Variants in AGBL1 observed in about 807,000 individuals in gnomAD.
The protein encoded by AGBL1 is cytosolic carboxypeptidase 4.
A neutral mutation model predicts 118.9 loss-of-function variants in AGBL1; 130 were observed. The ratio of observed to expected loss-of-function variants is 1.09; its 90% CI spans 0.95 to 1.26. The LOEUF (loss-of-function observed/expected upper bound fraction) is 1.26. AGBL1 is among the 50% of genes most tolerant of loss of function. The pLI is 0.00. For missense variants in AGBL1, 1,584 were observed against 1,298.1 expected (o/e 1.22, Z -3.38); for synonymous variants, 555 against 478.9 (o/e 1.16, Z -2.08).
At chr15:86,629,613 C>A (rs1203437031) in intron 21 of AGBL1, among the ~76,000 whole-genome samples, 1 of 152,174 alleles carries the variant, frequency 6.6e-6, no homozygotes, top group Non-Finnish European at 1.5e-5. Flanking sequence ...AGCTAGATAA[C>A]CATCAGCTTC....
intron 21 of AGBL1, among the ~76,000 whole-genome samples, chr15:86,574,575 T>TA (rs966392466): frequency 1.5e-5 from 2 of 135,190 alleles, no homozygotes; most frequent in Non-Finnish European, 3.1e-5. Flanking sequence ...TTTTAATTTT[T>TA]TTTTTTTTTT....
At chr15:86,157,216 C>A (rs905301076) in intron 4 of AGBL1, among the ~76,000 whole-genome samples, 1 of 152,122 alleles carries the variant, frequency 6.6e-6, no homozygotes, top group African/African-American at 2.4e-5. Flanking sequence ...CCTCTACTCA[C>A]CTATCTCCCG....
chr15:86,777,303 A>C (rs182462457), intron 22 of AGBL1, among the ~76,000 whole-genome samples: 252 of 152,156 alleles, frequency 1.7e-3, no homozygotes, highest in Non-Finnish European at 2.8e-3. Context: ...ATAATTACTT[A>C]CTGGTGAAAT....
intron 22 of AGBL1, among the ~76,000 whole-genome samples, chr15:86,872,214 C>T (rs1389406754): frequency 6.6e-6 from 1 of 152,162 alleles, no homozygotes; most frequent in African/African-American, 2.4e-5. Context: ...ACAAGCAGTG[C>T]CTGTGAATTC....
intron 22 of AGBL1, among the ~76,000 whole-genome samples, chr15:86,763,454 G>GA (rs1018958694): frequency 2.0e-5 from 3 of 151,800 alleles, no homozygotes; most frequent in Admixed American, 6.6e-5. Context: ...TCACTTTAGT[G>GA]AAAAAAACAC....
intron 21 of AGBL1, among the ~76,000 whole-genome samples, chr15:86,565,399 C>G (rs920601172): frequency 6.6e-5 from 10 of 152,236 alleles, no homozygotes; most frequent in African/African-American, 2.2e-4. Context: ...ACGTCCACTC[C>G]AGACCCTGTT....
intron 21 of AGBL1, among the ~76,000 whole-genome samples, chr15:86,664,449 A>G (rs1324398312): frequency 6.6e-6 from 1 of 152,290 alleles, no homozygotes; most frequent in East Asian, 1.9e-4. Context: ...ACTTAATTCA[A>G]GTTCAGAGCC....
At chr15:86,469,437 C>T (rs940219583) in intron 18 of AGBL1, among the ~76,000 whole-genome samples, 2 of 152,130 alleles carry the variant, frequency 1.3e-5, no homozygotes, top group African/African-American at 4.8e-5. Flanking sequence ...AGTACTATTT[C>T]ATTGTATGTA....
intron 23 of AGBL1, among the ~76,000 whole-genome samples, chr15:86,931,492 C>T (rs2080603390): frequency 6.6e-6 from 1 of 151,834 alleles, no homozygotes; most frequent in South Asian, 2.1e-4. Flanking sequence ...AGTTTGGTAA[C>T]AATAGGAATC....
chr15:86,856,349 C>T (rs939397098), intron 22 of AGBL1, among the ~76,000 whole-genome samples: 1 of 152,166 alleles, frequency 6.6e-6, no homozygotes, highest in South Asian at 2.1e-4. Flanking sequence ...GAGGTCTTTT[C>T]TTCAATGATC....
chr15:86,905,828 G>A (rs1029741203), intron 22 of AGBL1, among the ~76,000 whole-genome samples: 1 of 152,104 alleles, frequency 6.6e-6, no homozygotes, highest in East Asian at 1.9e-4. Context: ...GGCAGCTCTT[G>A]CCTTCCTTTA....
chr15:86,255,706 C>A (rs1271360151), intron 7 of AGBL1, among the ~76,000 whole-genome samples: 1 of 152,014 alleles, frequency 6.6e-6, no homozygotes, highest in Non-Finnish European at 1.5e-5. Flanking sequence ...TGCTTGAACC[C>A]GGGAGGTGGA....
intron 7 of AGBL1, among the ~76,000 whole-genome samples, chr15:86,255,332 A>C (rs2142009799): frequency 6.6e-6 from 1 of 152,350 alleles, no homozygotes; most frequent in Non-Finnish European, 1.5e-5. Flanking sequence ...ATTAGCCTCC[A>C]TAATGAATTA....
intron 1 of AGBL1, among the ~76,000 whole-genome samples, chr15:86,128,998 T>C (rs1341844867): frequency 2.0e-5 from 3 of 152,152 alleles, no homozygotes; most frequent in Non-Finnish European, 4.4e-5. Context: ...CATGGATAAA[T>C]TGGGGAGAAC....
chr15:86,480,415 T>C (rs1228497867), intron 18 of AGBL1, among the ~76,000 whole-genome samples: 1 of 152,060 alleles, frequency 6.6e-6, no homozygotes, highest in African/African-American at 2.4e-5. Flanking sequence ...TATGTTAGAG[T>C]TCAGGTTTGT....
intron 1 of AGBL1, 165 bp downstream of exon 1, chr15:86,080,188 C>G: frequency 2.4e-6 from 1 of 419,684 alleles, no homozygotes; most frequent in Non-Finnish European, 4.1e-6. Flanking sequence ...CTAAGTGATG[C>G]TATGGAATTC....
At chr15:86,830,018 C>T (rs1005460963) in intron 22 of AGBL1, among the ~76,000 whole-genome samples, 8 of 151,838 alleles carry the variant, frequency 5.3e-5, no homozygotes, top group East Asian at 1.9e-4. Flanking sequence ...GATTTAATAC[C>T]GTAAAACTTA....
rs978308238 is a variant in AGBL1, at chr15:86,678,788, A to G, written c.3158+4352A>G. On this transcript the variant is annotated intron_variant, in intron 22 of 22. Coordinates refer to ENST00000614907, the MANE Select transcript of AGBL1 (RefSeq NM_001386094.1). ...GTAGGCAGGTAGTTTTATAGTGAGT[A>G]TATTTACATATTATAATTTATTTTC... Among the ~76,000 whole-genome samples the G allele has an allele frequency of 1.4e-4, 21 of 152,110 alleles. 1 individual carries two copies. The highest frequency in any genetic ancestry group is 1.1e-3 in the Admixed American group (17 of 15,278).
At chr15:86,707,044 C>G (rs2086463023) in intron 22 of AGBL1, among the ~76,000 whole-genome samples, 1 of 152,096 alleles carries the variant, frequency 6.6e-6, no homozygotes, top group Non-Finnish European at 1.5e-5. Context: ...ATAATGTGAA[C>G]AACTCAACAT....
Sources: gnomAD v4.1 joint callset for allele counts (sites outside exome capture counted in the v4.1 genomes callset) on GRCh38, gnomAD v4.1.1 for gene constraint, MANE v1.5 for transcripts, NCBI Gene and HGNC (gene_info 2026-07-23, HGNC 2026-07-21) for gene names.